EP400: variants seen among roughly 807,000 people sequenced by gnomAD.
EP400 encodes the protein E1A-binding protein p400.
A neutral mutation model predicts 354.1 loss-of-function variants in EP400; 105 were observed. The observed-to-expected ratio is 0.30, with a 90% CI of 0.25 to 0.35. EP400 has a LOEUF of 0.35. Among genes scored for constraint, EP400 ranks in the 10% least tolerant of loss-of-function variants. The probability of loss-of-function intolerance (pLI) is 1.00; values close to 1 mark genes in which losing one functional copy is unlikely to be tolerated. For synonymous variants in EP400, 1,646 were observed against 1,716.9 expected, an observed-to-expected ratio of 0.96 and a Z score of 1.02; for missense variants, 3,280 against 4,121.0, an observed-to-expected ratio of 0.80 and a Z score of 5.59.
chr12:132,006,994 G>A (rs1893604601), intron 15 of EP400, 117 bp downstream of exon 15: 2 of 1,122,374 alleles, frequency 1.8e-6, no homozygotes, highest in Non-Finnish European at 2.5e-6. Context: ...GCTCCTATCT[G>A]TTGACCTGAG....
chr12:132,003,121 T>C (rs1419294859), intron 12 of EP400, among the ~76,000 whole-genome samples: 1 of 144,892 alleles, frequency 6.9e-6, no homozygotes, highest in Non-Finnish European at 1.5e-5. Flanking sequence ...TGAGGCAGGA[T>C]GGTCACTTGA....
chr12:132,027,554 C>T lies in EP400; in HGVS notation c.5109+23C>T, dbSNP rs1894348690. The stretch of plus-strand genomic sequence containing the variant: ...CAGGTAAGCACCTGAGCTTGAGACC[C>T]CGGTGCACGTGGACAGGTAGCTTTC... On this transcript the variant is annotated intron_variant, in intron 26 of 52. Coordinates refer to ENST00000389561, the MANE Select transcript of EP400 (RefSeq NM_015409.5). This position sits in a 1 kb window ranked among gnomAD's most constrained non-coding sequence, Gnocchi z 4.9. 1 of 1,587,238 alleles carries T rather than the reference C, an allele frequency of 6.3e-7. No individual in the cohort carries two copies. Among genetic ancestry groups the T allele is most frequent in the Non-Finnish European group, 8.6e-7 (1 of 1,163,264 alleles).
At chr12:131,992,079 G>A (rs1893058617) in intron 10 of EP400, 94 bp from the exon 11 acceptor site, 1 of 1,392,552 alleles carries the variant, frequency 7.2e-7, no homozygotes, top group East Asian at 2.3e-5. Flanking sequence ...TTGCCCCGGG[G>A]CTCCCCCAAC....
intron 45 of EP400, 79 bp from the exon 46 acceptor site, chr12:132,062,029 CTT>C: frequency 1.5e-6 from 2 of 1,323,264 alleles, no homozygotes; most frequent in Non-Finnish European, 2.1e-6. Context: ...GTTGGGTGCT[CTT>C]GTCTTCCCTG....
chr12:131,962,911 T>C (rs766025779), intron 2 of EP400, among the ~76,000 whole-genome samples: 2 of 152,258 alleles, frequency 1.3e-5, no homozygotes, highest in Non-Finnish European at 2.9e-5. Flanking sequence ...GTCTCTTTGC[T>C]CAAGCAGTCC....
rs539698830 is a variant in EP400 at position 132,024,508 on chromosome 12, C to T, written c.4855+567C>T. On this transcript the variant is annotated intron_variant, in intron 24 of 52. Coordinates refer to ENST00000389561, the MANE Select transcript of EP400 (RefSeq NM_015409.5). ...CTTCTATCAGCAGACTTAATTTTAA[C>T]TCCCAGACCCAAAGCCCAGACCTTT... Among the ~76,000 whole-genome samples the T allele has an allele frequency of 3.9e-5, 6 of 152,320 alleles. No individual in the cohort carries two copies. In the East Asian group the frequency reaches 1.2e-3, roughly 29 times the overall value.
chr12:132,009,207 C>T (rs569645422), intron 15 of EP400, among the ~76,000 whole-genome samples: 20 of 151,924 alleles, frequency 1.3e-4, no homozygotes, highest in South Asian at 2.1e-4. Context: ...GGTGGGATTA[C>T]AGGCATGAGC....
chr12:132,002,711 T>A (rs1166992679), intron 12 of EP400, among the ~76,000 whole-genome samples: 1 of 152,138 alleles, frequency 6.6e-6, no homozygotes, highest in East Asian at 1.9e-4. Context: ...TGTAGCTGAG[T>A]CTTGGAAGTC....
intron 2 of EP400, among the ~76,000 whole-genome samples, chr12:131,977,903 C>G (rs1173238268): frequency 6.6e-6 from 1 of 152,180 alleles, no homozygotes; most frequent in Non-Finnish European, 1.5e-5. Context: ...GTTCAAACAG[C>G]TCCCTGTCAC....
Position 132,043,442 on chromosome 12 carries a change from C to G in EP400, c.6346C>G (p.Leu2116Val). The change falls in exon 33 of 53, where the codon CTA (leucine) becomes GTA (valine). Residue 2116 changes from leucine (L) to valine (V), a missense_variant. Leu to Val is a conservative substitution (Grantham distance 32). Coordinates refer to ENST00000389561, the MANE Select transcript of EP400 (RefSeq NM_015409.5). ...TGAAGAACCATCCCAATTAGAGGAGCTAGCTGACTTCATGGAGCAGGTTTG... is the reference window on the plus strand; with the variant it reads ...TGAAGAACCATCCCAATTAGAGGAGGTAGCTGACTTCATGGAGCAGGTTTG... ...CDEEPSQLEE[L>V]ADFMEQLTPI... The G allele has an allele frequency of 6.2e-7, 1 of 1,613,092 alleles. No homozygotes were observed. The highest frequency in any genetic ancestry group is 8.5e-7 in the Non-Finnish European group (1 of 1,180,006).
intron 2 of EP400, among the ~76,000 whole-genome samples, chr12:131,965,765 A>T (rs1892053577): frequency 6.6e-6 from 1 of 152,184 alleles, no homozygotes; most frequent in Non-Finnish European, 1.5e-5. Flanking sequence ...TGCATTTCAG[A>T]TTCATCTACT....
intron 45 of EP400, among the ~76,000 whole-genome samples, chr12:132,056,723 C>A (rs1301627566): frequency 6.6e-6 from 1 of 152,090 alleles, no homozygotes; most frequent in African/African-American, 2.4e-5. Flanking sequence ...GCCTGTGAAT[C>A]CTGAAGAAAA....
chr12:131,959,855 C>A (rs1428315625), intron 1 of EP400, among the ~76,000 whole-genome samples: 1 of 152,226 alleles, frequency 6.6e-6, no homozygotes, highest in Non-Finnish European at 1.5e-5. Context: ...GACTGTCTTA[C>A]CCGTGTCTGT....
chr12:131,958,368 T>C (rs758005834), intron 1 of EP400, among the ~76,000 whole-genome samples: 1 of 152,222 alleles, frequency 6.6e-6, no homozygotes, highest in Non-Finnish European at 1.5e-5. Flanking sequence ...CTGCGTGCTG[T>C]CTTCTGACTC....
intron 51 of EP400, among the ~76,000 whole-genome samples, chr12:132,074,887 C>G (rs1896185574): frequency 6.6e-6 from 1 of 152,102 alleles, no homozygotes; most frequent in African/African-American, 2.4e-5. Flanking sequence ...TTTTCTGGAT[C>G]TGGTGATTTC....
intron 2 of EP400, among the ~76,000 whole-genome samples, chr12:131,978,294 C>A (rs559582517): frequency 6.6e-6 from 1 of 152,186 alleles, no homozygotes; most frequent in African/African-American, 2.4e-5. Context: ...CCCCACCAGA[C>A]GGTGCATTTG....
rs183760142 is a variant in EP400, at chr12:132,032,236, G to A, written c.5951+87G>A. Reference sequence around the variant, plus strand: ...CCTGCGGGGATGGCCGCGTGGAAATGGAGTCAATGAGAAGCTTTGCAGGAG... The same window carrying A: ...CCTGCGGGGATGGCCGCGTGGAAATAGAGTCAATGAGAAGCTTTGCAGGAG... On this transcript the variant is annotated intron_variant, in intron 30 of 52. Transcript: ENST00000389561. 69 of 1,426,946 alleles carry A rather than the reference G, an allele frequency of 4.8e-5. No individual in the cohort carries two copies. In the African/African-American group the frequency reaches 8.5e-4, roughly 18 times the overall value. The allele number at this position is 1,426,946 out of a possible 1,614,324, so 88.4% of individuals were successfully genotyped here.
Position 132,005,135 on chromosome 12 carries a change from T to C in EP400, c.2886T>C (p.Ser962=). 6.3e-7 allele frequency: 1 copy of C among 1,589,604 alleles called. No individual in the cohort carries two copies. ...ACGAAGGCGCCTTCCTGCCGAGTTC[T>C]CAGTGGCCCCGGCCGAAGCCTGATG... ...KLYEGAFLPS[S]QWPRPKPDGE... The change falls in exon 13 of 53, where the codon TCT becomes TCC. Residue 962 remains serine, a synonymous_variant. Transcript: ENST00000389561.
Position 132,038,345 on chromosome 12 carries a change from T to C in EP400, c.6207+249T>C, listed in dbSNP as rs1402795770. Among the ~76,000 whole-genome samples, 1 of 152,208 alleles carries C rather than the reference T, an allele frequency of 6.6e-6. No individual in the cohort carries two copies. The highest frequency in any genetic ancestry group is 1.5e-5 in the Non-Finnish European group (1 of 68,030). ...CCTGTCACCGAAGCAGTCGCTGCCG[T>C]CTTCATCTGCACTTTGCCACAGTCT... On this transcript the variant is annotated intron_variant, in intron 32 of 52. Coordinates refer to ENST00000389561, the MANE Select transcript of EP400 (RefSeq NM_015409.5). The surrounding 1 kb of genome is among the most constrained non-coding windows in gnomAD (Gnocchi z 4.2).
Sources: allele counts gnomAD v4.1 joint callset (sites outside exome capture counted in the v4.1 genomes callset), GRCh38; gene constraint gnomAD v4.1.1; non-coding constraint Gnocchi (gnomAD v3.1); transcripts MANE v1.5; gene names NCBI Gene and HGNC (gene_info 2026-07-23, HGNC 2026-07-21).